The following ANTXR1 variants were observed in gnomAD, a reference collection of about 807,000 sequenced individuals.
ANTXR1 encodes anthrax toxin receptor 1.
ANTXR1 carries 19 observed loss-of-function variants against 78.1 expected under a neutral mutation model. That is an observed-to-expected ratio of 0.24 (90% CI 0.17 to 0.36). ANTXR1 has a LOEUF of 0.36. Among genes scored for constraint, ANTXR1 ranks in the 10% least tolerant of loss-of-function variants. The pLI, the probability that ANTXR1 is intolerant of heterozygous loss-of-function variation, is 1.00. For missense variants in ANTXR1, 518 were observed against 718.6 expected, an observed-to-expected ratio of 0.72 and a Z score of 3.19; for synonymous variants, 273 against 260.5, an observed-to-expected ratio of 1.05 and a Z score of -0.46.
intron 14 of ANTXR1, among the ~76,000 whole-genome samples, chr2:69,173,589 G>A (rs1674045005): frequency 6.6e-6 from 1 of 152,126 alleles, no homozygotes; most frequent in South Asian, 2.1e-4. Context: ...AAATAGTATT[G>A]TTTCAGAAAC....
At chr2:69,174,608 G>A (rs1558621876) in intron 14 of ANTXR1, among the ~76,000 whole-genome samples, 1 of 151,932 alleles carries the variant, frequency 6.6e-6, no homozygotes, top group African/African-American at 2.4e-5. Context: ...CTGGGCGACA[G>A]AGCAAGACTC....
At chr2:69,065,429 A>G (rs1670369864) in intron 3 of ANTXR1, among the ~76,000 whole-genome samples, 1 of 151,674 alleles carries the variant, frequency 6.6e-6, no homozygotes, top group Non-Finnish European at 1.5e-5. Flanking sequence ...CGTCTCAAAA[A>G]AAAAAAAAAA....
At chr2:69,141,532 G>A (rs372198000) in intron 12 of ANTXR1, among the ~76,000 whole-genome samples, 7 of 152,338 alleles carry the variant, frequency 4.6e-5, no homozygotes, top group East Asian at 3.9e-4. Context: ...AGGAGCACTC[G>A]TGAGTGAGTC....
At chr2:69,213,523 C>T (rs949737953) in intron 17 of ANTXR1, among the ~76,000 whole-genome samples, 2 of 152,218 alleles carry the variant, frequency 1.3e-5, no homozygotes, top group African/African-American at 4.8e-5. Context: ...CACATGTTGT[C>T]AACAAGATGC....
intron 1 of ANTXR1, among the ~76,000 whole-genome samples, chr2:69,037,200 G>A (rs1277371719): frequency 3.3e-5 from 5 of 152,242 alleles, no homozygotes; most frequent in Admixed American, 2.6e-4. Flanking sequence ...AGCCAAGGCA[G>A]AATAGTTGAG....
intron 17 of ANTXR1, among the ~76,000 whole-genome samples, chr2:69,199,877 A>G (rs1674735097): frequency 6.6e-6 from 1 of 152,146 alleles, no homozygotes; most frequent in African/African-American, 2.4e-5. Context: ...AAACCCCAAG[A>G]GTAAGATAGG....
chr2:69,212,642 A>T (rs1675070787), intron 17 of ANTXR1, among the ~76,000 whole-genome samples: 1 of 152,178 alleles, frequency 6.6e-6, no homozygotes, highest in Admixed American at 6.5e-5. Flanking sequence ...AACATAATAC[A>T]ATATCCAGTT....
rs199694251 is a variant in ANTXR1, at chr2:69,128,227, G to GAA, written c.951+3597_951+3598dup. On this transcript the variant is annotated intron_variant, in intron 12 of 17. Coordinates refer to ENST00000303714, the MANE Select transcript of ANTXR1 (RefSeq NM_032208.3). ...GTGACAGAGCGAGACTCCATCTCTGGAAAAAAAAAAAAAATTTGTTTAGCC... is the reference window on the plus strand; with the variant it reads ...GTGACAGAGCGAGACTCCATCTCTGGAAAAAAAAAAAAAAAATTTGTTTAGCC... Among the ~76,000 whole-genome samples, 413 of 139,194 alleles carry GAA rather than the reference G, an allele frequency of 3.0e-3. 3 individuals are homozygous for GAA. The highest frequency in any genetic ancestry group is 9.5e-3 in the African/African-American group (359 of 37,908). The allele number at this position is 139,194 out of a possible 152,430, so 91.3% of individuals were successfully genotyped here.
intron 1 of ANTXR1, among the ~76,000 whole-genome samples, chr2:69,024,964 A>C (rs1412674343): frequency 6.6e-6 from 1 of 152,170 alleles, no homozygotes; most frequent in Non-Finnish European, 1.5e-5. Context: ...ATAAAGTGTA[A>C]ACTCTTCAGC....
At chr2:69,131,034 C>A (rs1158688382) in intron 12 of ANTXR1, among the ~76,000 whole-genome samples, 3 of 152,132 alleles carry the variant, frequency 2.0e-5, no homozygotes, top group Admixed American at 6.6e-5. Context: ...AAATTAAACA[C>A]ATGAATTAAA....
chr2:69,018,301 A>G lies in ANTXR1; in HGVS notation c.152+4650A>G, dbSNP rs1475011122. ...ACCAGTTTTCTTTTTCTTCCACTGTACAAAGGGATTCCATGTTGCCACTCC... is the reference window on the plus strand; with the variant it reads ...ACCAGTTTTCTTTTTCTTCCACTGTGCAAAGGGATTCCATGTTGCCACTCC... On this transcript the variant is annotated intron_variant, in intron 1 of 17. Coordinates refer to ENST00000303714, the MANE Select transcript of ANTXR1 (RefSeq NM_032208.3). Among the ~76,000 whole-genome samples the G allele has an allele frequency of 2.0e-5, 3 of 151,996 alleles. 1 individual carries two copies. The highest frequency in any genetic ancestry group is 3.9e-4 in the East Asian group (2 of 5,178).
intron 17 of ANTXR1, among the ~76,000 whole-genome samples, chr2:69,205,114 A>G (rs901296995): frequency 6.6e-6 from 1 of 152,170 alleles, no homozygotes; most frequent in Non-Finnish European, 1.5e-5. Context: ...TCCACATGGT[A>G]GATAGTATGA....
intron 17 of ANTXR1, among the ~76,000 whole-genome samples, chr2:69,225,349 A>G (rs4854475): frequency 1.3e-5 from 2 of 151,966 alleles, no homozygotes; most frequent in African/African-American, 4.8e-5. Context: ...GGACAGTGGC[A>G]TATGCCTGTA....
At chr2:69,226,312 G>T (rs140463171) in intron 17 of ANTXR1, among the ~76,000 whole-genome samples, 1 of 152,140 alleles carries the variant, frequency 6.6e-6, no homozygotes, top group Admixed American at 6.5e-5. Flanking sequence ...TCTGTGAGCA[G>T]CCCCTGGGAT....
intron 16 of ANTXR1, among the ~76,000 whole-genome samples, chr2:69,192,968 G>C (rs1288845647): frequency 3.3e-5 from 5 of 152,176 alleles, no homozygotes; most frequent in African/African-American, 4.8e-5. Flanking sequence ...TGGGCACCAA[G>C]TGGGAAGAAA....
At chr2:69,065,200 C>A (rs1013852011) in intron 3 of ANTXR1, among the ~76,000 whole-genome samples, 3 of 151,848 alleles carry the variant, frequency 2.0e-5, no homozygotes, top group African/African-American at 7.3e-5. Flanking sequence ...CCGAGGCGGG[C>A]GGATCACAAG....
chr2:69,078,255 G>A (rs190007675), intron 8 of ANTXR1, among the ~76,000 whole-genome samples: 1 of 152,338 alleles, frequency 6.6e-6, no homozygotes, highest in East Asian at 1.9e-4. Context: ...GTCAGTATGT[G>A]TGCTGCACCT....
At position 69,245,228 on chromosome 2, in the gene ANTXR1, C is replaced by T. The variant is rs370351341; in HGVS notation, c.1438C>T (p.Arg480Cys). The T allele has an allele frequency of 8.1e-5, 131 of 1,613,968 alleles. No homozygotes were observed. The highest frequency in any genetic ancestry group is 1.0e-4 in the Non-Finnish European group (123 of 1,179,994). ...CTTCTCTCCAATTCTTTTCTAGGGG[C>T]GCTGCATCAACTTCACCAGGGTCAA... ...VMRPQPGDTG[R>C]CINFTRVKNN... The change falls in exon 18 of 18, where the codon CGC becomes TGC. Residue 480 changes from arginine (R) to cysteine (C), a missense_variant. Transcript: ENST00000303714.
intron 9 of ANTXR1, among the ~76,000 whole-genome samples, chr2:69,097,356 T>C (rs1671462149): frequency 6.6e-6 from 1 of 152,252 alleles, no homozygotes. Context: ...GCAGCAGTTG[T>C]ATTCCTACTG....
Sources: gnomAD v4.1 joint callset for allele counts (sites outside exome capture counted in the v4.1 genomes callset) on GRCh38, gnomAD v4.1.1 for gene constraint, MANE v1.5 for transcripts, NCBI Gene and HGNC (gene_info 2026-07-23, HGNC 2026-07-21) for gene names.